Variants in EIPR1 observed in about 807,000 individuals in gnomAD.
EIPR1 encodes EARP and GARP complex-interacting protein 1.
EIPR1 carries 25 observed loss-of-function variants against 48.1 expected under a neutral mutation model. The observed-to-expected ratio is 0.52, with a 90% CI of 0.38 to 0.73. EIPR1 has a LOEUF of 0.73. Among genes scored for constraint, EIPR1 ranks in the 30% least tolerant of loss-of-function variants. The probability of loss-of-function intolerance (pLI) is 0.00; values close to 1 mark genes in which losing one functional copy is unlikely to be tolerated. For synonymous variants in EIPR1, 204 were observed against 201.9 expected (o/e 1.01, Z -0.09); for missense variants, 415 against 506.2 (o/e 0.82, Z 1.73).
At chr2:3,294,967 A>C (rs1668500670) in intron 3 of EIPR1, among the ~76,000 whole-genome samples, 6 of 48,302 alleles carry the variant, frequency 1.2e-4, no homozygotes, top group African/African-American at 2.6e-4. Flanking sequence ...CACACCCTCC[A>C]TCCAGCCCAT....
intron 3 of EIPR1, among the ~76,000 whole-genome samples, chr2:3,266,853 T>A (rs1401440862): frequency 6.6e-6 from 1 of 152,164 alleles, no homozygotes; most frequent in East Asian, 1.9e-4. Context: ...CCAGAAAGGC[T>A]CAGGACAGAC....
At chr2:3,241,820 A>G (rs59897445) in intron 4 of EIPR1, among the ~76,000 whole-genome samples, 2,929 of 152,274 alleles carry the variant, frequency 0.019, 91 homozygotes, top group African/African-American at 0.067. Context: ...ATCGTGGGAT[A>G]TGGTCCTAAT....
At chr2:3,238,739 A>G (rs1442375970) in intron 4 of EIPR1, among the ~76,000 whole-genome samples, 1 of 152,248 alleles carries the variant, frequency 6.6e-6, no homozygotes, top group African/African-American at 2.4e-5. Context: ...TCTGAATTAC[A>G]TGAGTGTGAA....
At chr2:3,208,631 A>G in intron 5 of EIPR1, 1 of 1,550,646 alleles carries the variant, frequency 6.4e-7, no homozygotes, top group Non-Finnish European at 8.7e-7. Flanking sequence ...TGGCCATGGC[A>G]TTCTGGTATG....
intron 4 of EIPR1, among the ~76,000 whole-genome samples, chr2:3,230,594 A>T (rs1666212427): frequency 6.6e-6 from 1 of 152,220 alleles, no homozygotes; most frequent in African/African-American, 2.4e-5. Flanking sequence ...CAACTATACC[A>T]TTTATTGAAG....
chr2:3,227,730 C>A (rs927236121), intron 4 of EIPR1, among the ~76,000 whole-genome samples: 2 of 152,222 alleles, frequency 1.3e-5, no homozygotes, highest in Non-Finnish European at 2.9e-5. Context: ...GGCCTACGGC[C>A]CCCCTGCTCT....
At chr2:3,225,884 G>T (rs556245663) in intron 4 of EIPR1, among the ~76,000 whole-genome samples, 5 of 152,274 alleles carry the variant, frequency 3.3e-5, no homozygotes, top group Non-Finnish European at 7.3e-5. Flanking sequence ...AGGTGAGATC[G>T]CGCAGTATTT....
chr2:3,236,887 A>G (rs1666420932), intron 4 of EIPR1, among the ~76,000 whole-genome samples: 1 of 152,200 alleles, frequency 6.6e-6, no homozygotes, highest in Non-Finnish European at 1.5e-5. Flanking sequence ...AATTTTCAGG[A>G]AGCTTGTTGG....
At chr2:3,355,759 A>G (rs1670708359) in intron 1 of EIPR1, among the ~76,000 whole-genome samples, 1 of 152,204 alleles carries the variant, frequency 6.6e-6, no homozygotes, top group African/African-American at 2.4e-5. Context: ...AGGTTACATA[A>G]GCCATGATCA....
At chr2:3,374,393 C>G (rs1436452259) in intron 1 of EIPR1, among the ~76,000 whole-genome samples, 1 of 151,700 alleles carries the variant, frequency 6.6e-6, no homozygotes, top group African/African-American at 2.4e-5. Context: ...TCTCATTAAA[C>G]TAAAGAGCTT....
intron 4 of EIPR1, among the ~76,000 whole-genome samples, chr2:3,218,847 C>G (rs567802774): frequency 2.6e-4 from 37 of 144,590 alleles, no homozygotes; most frequent in Middle Eastern, 4.7e-3. Flanking sequence ...GAGTCAGGTG[C>G]ACACCCAACA....
chr2:3,333,342 G>A (rs1572455226), intron 3 of EIPR1, among the ~76,000 whole-genome samples: 1 of 152,032 alleles, frequency 6.6e-6, no homozygotes, highest in Non-Finnish European at 1.5e-5. Flanking sequence ...CAATAGCCAC[G>A]TCCTAAAGAA....
At chr2:3,280,445 C>T (rs1040399208) in intron 3 of EIPR1, among the ~76,000 whole-genome samples, 5 of 152,132 alleles carry the variant, frequency 3.3e-5, no homozygotes, top group Admixed American at 1.3e-4. Flanking sequence ...GGATGGGCCG[C>T]GGGTGAGTGG....
At chr2:3,195,108 C>T (rs530564025) in intron 6 of EIPR1, among the ~76,000 whole-genome samples, 12 of 152,368 alleles carry the variant, frequency 7.9e-5, no homozygotes, top group South Asian at 2.1e-4. Flanking sequence ...GGCTGCTCCT[C>T]GCAGGGTCTG....
At chr2:3,342,018 T>C (rs961993223) in intron 2 of EIPR1, among the ~76,000 whole-genome samples, 3 of 152,208 alleles carry the variant, frequency 2.0e-5, no homozygotes, top group Non-Finnish European at 4.4e-5. Flanking sequence ...AATTCTATGA[T>C]AGAATTGATC....
At chr2:3,370,840 C>T (rs1004620643) in intron 1 of EIPR1, among the ~76,000 whole-genome samples, 2 of 152,016 alleles carry the variant, frequency 1.3e-5, no homozygotes, top group Non-Finnish European at 2.9e-5. Context: ...GAGAACTTCC[C>T]CAATCTAGCA....
In EIPR1 at chr2:3,262,666, T is replaced by C. The variant is rs868340935; in HGVS notation, c.260-5211A>G. ...TGGTAGAAAGCATGCAGTGTGGACT[T>C]TGTGGAGAGCCCGGTTGGAGTCACC... On this transcript the variant is annotated intron_variant, in intron 3 of 8. Coordinates refer to ENST00000382125, the MANE Select transcript of EIPR1 (RefSeq NM_003310.5). Among the ~76,000 whole-genome samples the C allele has an allele frequency of 3.9e-5, 6 of 152,320 alleles. No homozygotes were observed. In the South Asian group the frequency reaches 1.2e-3, roughly 32 times the overall value.
intron 1 of EIPR1, among the ~76,000 whole-genome samples, chr2:3,362,446 C>T (rs1178735726): frequency 1.3e-5 from 2 of 151,824 alleles, no homozygotes; most frequent in Non-Finnish European, 2.9e-5. Flanking sequence ...AACCAATTTT[C>T]CTGACTGAGT....
At chr2:3,311,533 C>A (rs1441609120) in intron 3 of EIPR1, among the ~76,000 whole-genome samples, 1 of 152,164 alleles carries the variant, frequency 6.6e-6, no homozygotes, top group Non-Finnish European at 1.5e-5. Context: ...CATTCTCTTA[C>A]AACAGTTTCT....
Sources: allele counts gnomAD v4.1 joint callset (sites outside exome capture counted in the v4.1 genomes callset), GRCh38; gene constraint gnomAD v4.1.1; transcripts MANE v1.5; gene names NCBI Gene and HGNC (gene_info 2026-07-23, HGNC 2026-07-21).